CNTNAP2: variants seen among roughly 807,000 people sequenced by gnomAD.
The protein encoded by CNTNAP2 is contactin associated protein 2.
A neutral mutation model predicts 155.2 loss-of-function variants in CNTNAP2; 98 were observed. That is an observed-to-expected ratio of 0.63 (90% CI 0.54 to 0.75). The LOEUF (loss-of-function observed/expected upper bound fraction) is 0.75, where lower values mean the gene tolerates loss of function less well. Among genes scored for constraint, CNTNAP2 ranks in the 30% least tolerant of loss-of-function variants. The probability of loss-of-function intolerance (pLI) is 0.00; values close to 1 mark genes in which losing one functional copy is unlikely to be tolerated. For synonymous variants in CNTNAP2, 651 were observed against 631.2 expected (o/e 1.03, Z -0.47); for missense variants, 1,727 against 1,688.1 (o/e 1.02, Z -0.40).
chr7:147,167,594 C>T (rs1802139907), intron 8 of CNTNAP2: 3 of 749,182 alleles, frequency 4.0e-6, no homozygotes, highest in East Asian at 2.9e-5. Flanking sequence ...GAAGCTGGAG[C>T]CCAGCATCAG....
intron 18 of CNTNAP2, among the ~76,000 whole-genome samples, chr7:148,210,222 G>A (rs1007220072): frequency 3.3e-5 from 5 of 152,186 alleles, no homozygotes; most frequent in Non-Finnish European, 7.3e-5. Flanking sequence ...CAAAGCCAGG[G>A]CTGCAATCCA....
At chr7:147,308,059 T>C (rs1294826022) in intron 9 of CNTNAP2, among the ~76,000 whole-genome samples, 1 of 152,158 alleles carries the variant, frequency 6.6e-6, no homozygotes, top group East Asian at 1.9e-4. Flanking sequence ...GGATTGAGGA[T>C]TATCTTTAAA....
chr7:148,251,013 C>T (rs966966527), intron 20 of CNTNAP2, among the ~76,000 whole-genome samples: 2 of 152,088 alleles, frequency 1.3e-5, no homozygotes, highest in African/African-American at 4.8e-5. Flanking sequence ...ATGCTCAGCC[C>T]ATATTTATTT....
intron 18 of CNTNAP2, among the ~76,000 whole-genome samples, chr7:148,209,453 T>TG (rs1250324980): frequency 6.6e-6 from 1 of 152,080 alleles, no homozygotes; most frequent in Non-Finnish European, 1.5e-5. Context: ...TCTTGATACC[T>TG]GCCATATCCC....
chr7:147,144,792 T>C (rs1801667817), intron 8 of CNTNAP2, among the ~76,000 whole-genome samples: 1 of 152,204 alleles, frequency 6.6e-6, no homozygotes, highest in South Asian at 2.1e-4. Flanking sequence ...GGCATCAATA[T>C]TGAAAAATAG....
intron 21 of CNTNAP2, among the ~76,000 whole-genome samples, chr7:148,330,964 G>A (rs1797989494): frequency 6.9e-6 from 1 of 144,952 alleles, no homozygotes; most frequent in Non-Finnish European, 1.5e-5. Context: ...GGATAGAGTG[G>A]ATGGATAGAG....
chr7:147,445,302 A>T (rs945866888), intron 10 of CNTNAP2, among the ~76,000 whole-genome samples: 1 of 152,206 alleles, frequency 6.6e-6, no homozygotes, highest in African/African-American at 2.4e-5. Context: ...GCATTAATTT[A>T]AAAAATATTT....
intron 13 of CNTNAP2, among the ~76,000 whole-genome samples, chr7:147,796,144 G>A (rs1028900444): frequency 5.3e-5 from 8 of 152,256 alleles, no homozygotes; most frequent in African/African-American, 1.9e-4. Context: ...AGTCCAAGAT[G>A]CCTCATGAGA....
intron 13 of CNTNAP2, among the ~76,000 whole-genome samples, chr7:147,857,922 T>A (rs1799067246): frequency 6.6e-6 from 1 of 152,138 alleles, no homozygotes. Context: ...ATGGACAATA[T>A]CAATTCCCTT....
intron 18 of CNTNAP2, among the ~76,000 whole-genome samples, chr7:148,179,542 A>G (rs1794999406): frequency 8.2e-6 from 1 of 122,592 alleles, no homozygotes; most frequent in Non-Finnish European, 1.6e-5. Flanking sequence ...AGAGGGAGTG[A>G]GAGAGGGAGA....
intron 1 of CNTNAP2, among the ~76,000 whole-genome samples, chr7:146,686,155 A>G (rs1410558741): frequency 6.6e-6 from 1 of 152,056 alleles, no homozygotes; most frequent in Non-Finnish European, 1.5e-5. Context: ...TTAAAAAATT[A>G]CCCAGGAGTG....
At chr7:146,560,025 A>T (rs1008031813) in intron 1 of CNTNAP2, among the ~76,000 whole-genome samples, 5 of 152,290 alleles carry the variant, frequency 3.3e-5, no homozygotes, top group East Asian at 1.9e-4. Flanking sequence ...ACCAGTTAAA[A>T]CACTTTTATT....
At chr7:146,296,117 G>C (rs1385202048) in intron 1 of CNTNAP2, among the ~76,000 whole-genome samples, 3 of 152,080 alleles carry the variant, frequency 2.0e-5, no homozygotes, top group Non-Finnish European at 4.4e-5. Context: ...AGGATAGATA[G>C]GATCTCTGAT....
Position 146,314,353 on chromosome 7 carries a change from C to T in CNTNAP2, c.97+197380C>T, listed in dbSNP as rs551137269. Among the ~76,000 whole-genome samples the T allele has an allele frequency of 3.9e-5, 6 of 152,258 alleles. No individual in the cohort carries two copies. The South Asian group carries it at 1.2e-3, about 32-fold the overall frequency. On this transcript the variant is annotated intron_variant, in intron 1 of 23. Coordinates refer to ENST00000361727, the MANE Select transcript of CNTNAP2 (RefSeq NM_014141.6). ...CAAGTTGTGCTATCGCCTTGAGAGA[C>T]ATTTGATAGAAGCCAGTCCCTAGGA...
chr7:147,712,138 G>GA (rs1194585912), intron 13 of CNTNAP2, among the ~76,000 whole-genome samples: 1 of 151,898 alleles, frequency 6.6e-6, no homozygotes, highest in Non-Finnish European at 1.5e-5. Flanking sequence ...TCAGACACAT[G>GA]AAAAAAATGC....
intron 3 of CNTNAP2, among the ~76,000 whole-genome samples, chr7:147,031,145 ATATT>A (rs1415275019): frequency 6.6e-6 from 1 of 152,142 alleles, no homozygotes; most frequent in African/African-American, 2.4e-5. Context: ...GTTTGTCTAA[ATATT>A]TATTTAACAT....
intron 1 of CNTNAP2, among the ~76,000 whole-genome samples, chr7:146,725,802 A>G (rs921935038): frequency 1.3e-5 from 2 of 152,114 alleles, no homozygotes; most frequent in Non-Finnish European, 2.9e-5. Context: ...TGCACCCCCA[A>G]CCAATTAGCA....
intron 21 of CNTNAP2, among the ~76,000 whole-genome samples, chr7:148,280,564 G>A (rs948700589): frequency 2.0e-5 from 3 of 152,136 alleles, no homozygotes; most frequent in Non-Finnish European, 4.4e-5. Context: ...GGATCTCTCT[G>A]TACAATTTCT....
At chr7:147,247,667 T>C (rs569855508) in intron 8 of CNTNAP2, among the ~76,000 whole-genome samples, 12 of 152,202 alleles carry the variant, frequency 7.9e-5, no homozygotes, top group Non-Finnish European at 1.6e-4. Flanking sequence ...GTTAAAAAAA[T>C]CTGAGTCCTT....
Sources: gnomAD v4.1 joint callset for allele counts (sites outside exome capture counted in the v4.1 genomes callset) on GRCh38, gnomAD v4.1.1 for gene constraint, MANE v1.5 for transcripts, NCBI Gene and HGNC (gene_info 2026-07-23, HGNC 2026-07-21) for gene names.